The following RUNX1 variants were observed in gnomAD, a reference collection of about 807,000 sequenced individuals.
The protein encoded by RUNX1 is runt-related transcription factor 1.
RUNX1 carries 19 observed loss-of-function variants against 42.8 expected under a neutral mutation model. That is an observed-to-expected ratio of 0.44 (90% CI 0.31 to 0.65). The LOEUF is 0.65. Ranked by LOEUF, RUNX1 falls within the 30% of genes least tolerant of loss-of-function variation. The pLI, the probability that RUNX1 is intolerant of heterozygous loss-of-function variation, is 0.07. For synonymous variants in RUNX1, 271 were observed against 289.4 expected, an observed-to-expected ratio of 0.94 and a Z score of 0.64; for missense variants, 528 against 672.0, an observed-to-expected ratio of 0.79 and a Z score of 2.37.
chr21:34,932,832 T>C (rs557195254), intron 2 of RUNX1, among the ~76,000 whole-genome samples: 3 of 152,314 alleles, frequency 2.0e-5, no homozygotes, highest in African/African-American at 7.2e-5. Flanking sequence ...TGGAACCTCA[T>C]TACCCCCGGC....
In RUNX1 at chr21:34,926,404, G is replaced by A. The variant is rs577088494; in HGVS notation, c.59-33441C>T. 2.5e-4 allele frequency among the ~76,000 whole-genome samples: 31 copies of A among 124,188 alleles called. 1 individual carries two copies. The South Asian group carries it at 8.2e-3, about 33-fold the overall frequency. The allele number at this position is 124,188 out of a possible 152,430, so 81.5% of individuals were successfully genotyped here. ...AGGATCCCTTGAACCCAGTAGGGCA[G>A]TGAGCCATGATCATGCCCCTGCACT... On this transcript the variant is annotated intron_variant, in intron 2 of 8. Transcript: ENST00000675419.
chr21:34,875,779 C>T (rs2057805318), intron 5 of RUNX1, among the ~76,000 whole-genome samples: 1 of 152,130 alleles, frequency 6.6e-6, no homozygotes, highest in South Asian at 2.1e-4. Context: ...AATATCAGTA[C>T]CGTTTATCCT....
chr21:34,889,366 G>C (rs1032154483), intron 3 of RUNX1, among the ~76,000 whole-genome samples: 2 of 152,108 alleles, frequency 1.3e-5, no homozygotes, highest in Non-Finnish European at 2.9e-5. Context: ...GTCTTCCCTT[G>C]GGTCGGTTTC....
intron 2 of RUNX1, among the ~76,000 whole-genome samples, chr21:34,896,420 C>T (rs547907499): frequency 3.3e-5 from 5 of 152,252 alleles, no homozygotes; most frequent in South Asian, 2.1e-4. Flanking sequence ...TGGTGGCTAA[C>T]GCCTGTAATC....
chr21:34,905,837 ATCACGTAGCTTT>A (rs1255956932), intron 2 of RUNX1, among the ~76,000 whole-genome samples: 2 of 152,240 alleles, frequency 1.3e-5, no homozygotes, highest in East Asian at 3.8e-4. Flanking sequence ...TCTGAAACTT[ATCACGTAGCTTT>A]TCCCCCTACA....
At chr21:34,880,175 C>T (rs2057873698) in intron 5 of RUNX1, among the ~76,000 whole-genome samples, 1 of 152,198 alleles carries the variant, frequency 6.6e-6, no homozygotes, top group Non-Finnish European at 1.5e-5. Flanking sequence ...GATCATACGT[C>T]AACAGTTTCC....
chr21:34,861,845 G>A (rs1408746674), intron 5 of RUNX1, among the ~76,000 whole-genome samples: 1 of 152,102 alleles, frequency 6.6e-6, no homozygotes, highest in Non-Finnish European at 1.5e-5. Flanking sequence ...TGTTTGGGCT[G>A]CCTCATAAAT....
chr21:35,042,652 C>T (rs750932796), intron 2 of RUNX1, among the ~76,000 whole-genome samples: 42 of 152,358 alleles, frequency 2.8e-4, no homozygotes, highest in Non-Finnish European at 4.3e-4. Context: ...CATGTCCTTT[C>T]TGCCTGGACA....
intron 2 of RUNX1, among the ~76,000 whole-genome samples, chr21:34,990,144 A>T (rs1402784184): frequency 1.3e-5 from 2 of 152,204 alleles, no homozygotes; most frequent in Admixed American, 6.5e-5. Context: ...CTCCCTCCTG[A>T]ATGTCTCTGC....
At chr21:34,943,603 G>A (rs942557558) in intron 2 of RUNX1, among the ~76,000 whole-genome samples, 2 of 152,202 alleles carry the variant, frequency 1.3e-5, no homozygotes, top group Non-Finnish European at 2.9e-5. Context: ...CAGTCCCGGT[G>A]TGGGGTCAAT....
chr21:34,889,221 G>GGGGGTGC (rs2058044971), intron 3 of RUNX1, among the ~76,000 whole-genome samples: 1 of 151,746 alleles, frequency 6.6e-6, no homozygotes, highest in South Asian at 2.1e-4. Flanking sequence ...CTTCCAGGGC[G>GGGGGTGC]GGGGTGCGAT....
chr21:34,967,977 A>G (rs1020927000), intron 2 of RUNX1, among the ~76,000 whole-genome samples: 4 of 152,118 alleles, frequency 2.6e-5, no homozygotes, highest in African/African-American at 9.7e-5. Flanking sequence ...CCCACTTCCC[A>G]GTGCCTTAAA....
intron 6 of RUNX1, among the ~76,000 whole-genome samples, chr21:34,854,574 G>A (rs1271060085): frequency 1.4e-5 from 2 of 146,748 alleles, no homozygotes; most frequent in African/African-American, 5.1e-5. Flanking sequence ...AACAGAGTGA[G>A]ATTTCACCTC....
chr21:34,973,633 T>C (rs1244578497), intron 2 of RUNX1, among the ~76,000 whole-genome samples: 1 of 152,208 alleles, frequency 6.6e-6, no homozygotes, highest in Non-Finnish European at 1.5e-5. Context: ...TCCCAAGTAC[T>C]AGTTTAATTT....
intron 7 of RUNX1, among the ~76,000 whole-genome samples, chr21:34,808,271 G>A (rs2056709558): frequency 6.6e-6 from 1 of 152,226 alleles, no homozygotes; most frequent in African/African-American, 2.4e-5. Context: ...GACAGACCAA[G>A]CCGGGGCAGA....
intron 2 of RUNX1, among the ~76,000 whole-genome samples, chr21:34,941,966 A>G (rs1040050459): frequency 1.3e-5 from 2 of 152,122 alleles, no homozygotes; most frequent in Admixed American, 6.5e-5. Flanking sequence ...GGCACTCTGA[A>G]CTATGCAAAA....
At chr21:34,804,347 C>T (rs2056649834) in intron 7 of RUNX1, among the ~76,000 whole-genome samples, 1 of 152,118 alleles carries the variant, frequency 6.6e-6, no homozygotes, top group Non-Finnish European at 1.5e-5. Flanking sequence ...AGAGCTTCAA[C>T]ATACTGACTA....
intron 7 of RUNX1, chr21:34,821,335 A>C: frequency 8.5e-7 from 1 of 1,181,596 alleles, no homozygotes; most frequent in South Asian, 3.3e-5. Flanking sequence ...ACCGGGATCC[A>C]TGCTAAATAT....
intron 5 of RUNX1, among the ~76,000 whole-genome samples, chr21:34,865,081 G>A (rs574977302): frequency 6.6e-6 from 1 of 152,146 alleles, no homozygotes; most frequent in Admixed American, 6.5e-5. Context: ...ATTCCATCTC[G>A]TAGCATTGTT....
Sources: allele counts gnomAD v4.1 joint callset (sites outside exome capture counted in the v4.1 genomes callset), GRCh38; gene constraint gnomAD v4.1.1; transcripts MANE v1.5; gene names NCBI Gene and HGNC (gene_info 2026-07-23, HGNC 2026-07-21).